PHLDB1: variants seen among roughly 807,000 people sequenced by gnomAD.
The protein encoded by PHLDB1 is pleckstrin homology-like domain family B member 1.
Under a neutral mutation model 139.3 loss-of-function variants are expected in PHLDB1, and 65 were observed. The ratio of observed to expected loss-of-function variants is 0.47; its 90% CI spans 0.38 to 0.57. PHLDB1 has a LOEUF of 0.57. PHLDB1 is among the 20% of genes least tolerant of loss of function. PHLDB1 has a pLI of 0.00. For missense variants in PHLDB1, 1,624 were observed against 1,839.7 expected, an observed-to-expected ratio of 0.88 and a Z score of 2.14; for synonymous variants, 679 against 734.5, an observed-to-expected ratio of 0.92 and a Z score of 1.22.
At chr11:118,647,835 A>T in intron 17 of PHLDB1, 95 bp from the exon 18 acceptor site, 1 of 1,332,410 alleles carries the variant, frequency 7.5e-7, no homozygotes, top group Non-Finnish European at 1.0e-6. Context: ...GACTACCCTG[A>T]GGTGGATTCC....
Position 118,625,031 on chromosome 11 carries a change from C to T in PHLDB1, c.453C>T (p.Ala151=), listed in dbSNP as rs782248447. ...MKSMIPAGGR[A]PGPPYSPVPA... The stretch of plus-strand genomic sequence containing the variant: ...GCATGATTCCAGCAGGGGGCCGAGC[C>T]CCTGGGCCCCCCTACAGCCCTGTTC... Residue 151 remains alanine, a synonymous_variant, in exon 5 of 23, where the codon GCC becomes GCT. Coordinates refer to ENST00000600882, the MANE Select transcript of PHLDB1 (RefSeq NM_001144758.3). 3 of 1,611,824 alleles carry T rather than the reference C, an allele frequency of 1.9e-6. No individual in the cohort carries two copies. The highest frequency in any genetic ancestry group is 1.1e-5 in the South Asian group (1 of 90,764).
At chr11:118,614,197 C>T (rs1195301360) in intron 2 of PHLDB1, among the ~76,000 whole-genome samples, 1 of 151,960 alleles carries the variant, frequency 6.6e-6, no homozygotes, top group Non-Finnish European at 1.5e-5. Flanking sequence ...GCAATGGCCA[C>T]GTGGATAGCC....
chr11:118,649,631 C>T (rs1277604617), intron 18 of PHLDB1, among the ~76,000 whole-genome samples: 1 of 152,136 alleles, frequency 6.6e-6, no homozygotes. Context: ...TAGTAATTAT[C>T]TAGTTCAAAG....
intron 4 of PHLDB1, among the ~76,000 whole-genome samples, chr11:118,623,817 T>A (rs1943289162): frequency 6.6e-6 from 1 of 151,772 alleles, no homozygotes; most frequent in Admixed American, 6.6e-5. Context: ...GGCAGATAGA[T>A]GGATCATGGA....
chr11:118,614,688 T>C lies in PHLDB1; in HGVS notation c.184+6T>C. On this transcript the variant is annotated splice_donor_region_variant and intron_variant, in intron 3 of 22. Coordinates refer to ENST00000600882, the MANE Select transcript of PHLDB1 (RefSeq NM_001144758.3). ...CCTCCTGCCGCTGGAGGAAGGTAAG[T>C]GTGAACAGGGCATCTCACTCACCAC... The C allele has an allele frequency of 6.2e-7, 1 of 1,613,396 alleles. No individual in the cohort carries two copies. Among genetic ancestry groups the C allele is most frequent in the Non-Finnish European group, 8.5e-7 (1 of 1,179,630 alleles).
rs782416788 is a variant in PHLDB1 at position 118,645,488 on chromosome 11, C to A, written c.3254C>A (p.Pro1085His). 1.1e-5 allele frequency: 17 copies of A among 1,611,968 alleles called. No individual in the cohort carries two copies. Among genetic ancestry groups the A allele is most frequent in the Admixed American group, 1.0e-4 (6 of 59,776 alleles). Reference protein sequence around the residue: ...PFPAGPSGFPPLMHHSILHHL... With the variant: ...PFPAGPSGFPHLMHHSILHHL... ...CCAGCGGGCCCCTCGGGCTTCCCCC[C>A]TCTCATGCACCACTCTATCCTACAC... Residue 1085 changes from proline to histidine, a missense_variant, in exon 16 of 23, where the codon CCT becomes CAT. Physicochemically the swap from Pro to His is moderately conservative, Grantham distance 77. Coordinates refer to ENST00000600882, the MANE Select transcript of PHLDB1 (RefSeq NM_001144758.3). The surrounding 1 kb of genome is among the most constrained non-coding windows in gnomAD (Gnocchi z 5.1).
intron 22 of PHLDB1, 94 bp from the exon 23 acceptor site, chr11:118,656,589 G>A: frequency 7.9e-7 from 1 of 1,266,760 alleles, no homozygotes; most frequent in African/African-American, 1.5e-5. Flanking sequence ...GCTTTCTAGG[G>A]GCTGGGAGGG....
Position 118,656,049 on chromosome 11 carries a change from G to A in PHLDB1, c.3993+157G>A, listed in dbSNP as rs560355992. Among the ~76,000 whole-genome samples, 8 of 151,922 alleles carry A rather than the reference G, an allele frequency of 5.3e-5. No individual in the cohort carries two copies. In the South Asian group the frequency reaches 1.7e-3, roughly 32 times the overall value. ...AGAGCAAGAAGCTCCTGTGGGCTTGGGTGCCTCTCTCTCCTTGTTGCCTCC... is the reference window on the plus strand; with the variant it reads ...AGAGCAAGAAGCTCCTGTGGGCTTGAGTGCCTCTCTCTCCTTGTTGCCTCC... On this transcript the variant is annotated intron_variant, in intron 22 of 22. Coordinates refer to ENST00000600882, the MANE Select transcript of PHLDB1 (RefSeq NM_001144758.3).
chr11:118,647,288 A>G (rs1230714841), intron 17 of PHLDB1: 2 of 152,276 alleles, frequency 1.3e-5, no homozygotes, highest in Non-Finnish European at 2.9e-5. Context: ...TAAGAGCCCC[A>G]TTTATTTTTT....
In PHLDB1 at chr11:118,631,970, C is replaced by T. The variant is rs374922895; in HGVS notation, c.2158C>T (p.Arg720Trp). 8.1e-6 allele frequency: 13 copies of T among 1,614,086 alleles called. No individual in the cohort carries two copies. Among genetic ancestry groups the T allele is most frequent in the East Asian group, 6.7e-5 (3 of 44,880 alleles). ...QGEVLALEEERAQVLGHVEQL... is the reference protein window; with the variant it reads ...QGEVLALEEEWAQVLGHVEQL... ...AGAGGTGCTAGCCCTGGAAGAAGAG[C>T]GGGCTCAGGTGCTGGGGCACGTGGA... is the stretch of plus-strand genomic sequence containing the variant. The change falls in exon 8 of 23, where the codon CGG becomes TGG. Residue 720 changes from arginine to tryptophan, a missense_variant. Physicochemically the swap from Arg to Trp is moderately radical, Grantham distance 101 (BLOSUM62 -3). Coordinates refer to ENST00000600882, the MANE Select transcript of PHLDB1 (RefSeq NM_001144758.3).
rs1591569529 is a variant in PHLDB1, at chr11:118,627,882, T to G, written c.1059T>G (p.Gly353=). 6.2e-7 allele frequency: 1 copy of G among 1,609,920 alleles called. No homozygotes were observed. The highest frequency in any genetic ancestry group is 8.5e-7 in the Non-Finnish European group (1 of 1,179,902). The change falls in exon 6 of 23, where the codon GGT becomes GGG. Residue 353 remains glycine (G), a synonymous_variant. Transcript: ENST00000600882. ...GAGCCACTGAGAGCCCCCGGCTGGG[T>G]GGGCAGCTGCCTGTGGTGGCCATCA... ...ARRATESPRL[G]GQLPVVAISL...
chr11:118,614,073 A>G (rs1941071219), intron 2 of PHLDB1, among the ~76,000 whole-genome samples, 177 bp downstream of exon 2: 1 of 152,106 alleles, frequency 6.6e-6, no homozygotes, highest in Non-Finnish European at 1.5e-5. Flanking sequence ...TAATTGGTTC[A>G]CCCAGAAACT....
At chr11:118,613,527 A>G in intron 1 of PHLDB1, 2 of 918,390 alleles carry the variant, frequency 2.2e-6, no homozygotes, top group Non-Finnish European at 1.4e-6. Context: ...TCTGAGTAGC[A>G]TAGGGCAAGA....
Position 118,645,474 on chromosome 11 carries a change from C to A in PHLDB1, c.3240C>A (p.Pro1080=). Residue 1080 remains proline (P), a synonymous_variant, in exon 16 of 23, where the codon CCC becomes CCA. Transcript: ENST00000600882. This position sits in a 1 kb window ranked among gnomAD's most constrained non-coding sequence, Gnocchi z 5.1. ...GGGCAGCACCCTTCCCAGCGGGCCC[C>A]TCGGGCTTCCCCCCTCTCATGCACC... The part of the protein sequence containing the change: ...LHGAAPFPAG[P]SGFPPLMHHS... The A allele has an allele frequency of 6.2e-7, 1 of 1,611,194 alleles. No individual in the cohort carries two copies. Among genetic ancestry groups the A allele is most frequent in the Non-Finnish European group, 8.5e-7 (1 of 1,178,590 alleles).
intron 13 of PHLDB1, 92 bp from the exon 14 acceptor site, chr11:118,643,708 G>C: frequency 6.2e-7 from 1 of 1,602,652 alleles, no homozygotes; most frequent in Admixed American, 1.7e-5. Flanking sequence ...CTAGTGCCAG[G>C]GCGGTACGTC....
At chr11:118,628,981 C>A (rs534809621) in intron 6 of PHLDB1, among the ~76,000 whole-genome samples, 1 of 152,334 alleles carries the variant, frequency 6.6e-6, no homozygotes, top group African/African-American at 2.4e-5. Context: ...ATGGTAAGAC[C>A]TCGAACCTCC....
Position 118,627,485 on chromosome 11 carries a change from C to T in PHLDB1, c.662C>T (p.Pro221Leu), listed in dbSNP as rs879984855. The change falls in exon 6 of 23, where the codon CCA becomes CTA. Residue 221 changes from proline (P) to leucine (L), a missense_variant. Pro to Leu is a moderately conservative substitution (Grantham distance 98). Coordinates refer to ENST00000600882, the MANE Select transcript of PHLDB1 (RefSeq NM_001144758.3). ...GGCAAGAAGCCTGCCGCAACCTCTC[C>T]ACTGTCACCGATGGCTAATGGTGGG... The part of the protein sequence containing the change: ...AAGKKPAATS[P>L]LSPMANGGRY... The T allele has an allele frequency of 7.4e-6, 12 of 1,614,116 alleles. No individual in the cohort carries two copies. The highest frequency in any genetic ancestry group is 3.3e-5 in the South Asian group (3 of 91,094).
rs782017283 is a variant in PHLDB1 at position 118,645,719 on chromosome 11, C to A, written c.3417-16C>A. Reference sequence around the variant, plus strand: ...TCAGCTCCTTGATGCACTTCCTCTTCCCCTTCTCTCCCCAGCGCGAGTGGT... The same window carrying A: ...TCAGCTCCTTGATGCACTTCCTCTTACCCTTCTCTCCCCAGCGCGAGTGGT... On this transcript the variant is annotated splice_polypyrimidine_tract_variant and intron_variant, in intron 16 of 22. Coordinates refer to ENST00000600882, the MANE Select transcript of PHLDB1 (RefSeq NM_001144758.3). The surrounding 1 kb of genome is among the most constrained non-coding windows in gnomAD (Gnocchi z 5.1). The A allele has an allele frequency of 6.2e-7, 1 of 1,611,898 alleles. No individual in the cohort carries two copies. Among genetic ancestry groups the A allele is most frequent in the Non-Finnish European group, 8.5e-7 (1 of 1,177,976 alleles).
Position 118,645,158 on chromosome 11 carries a change from C to T in PHLDB1, c.3122-198C>T, listed in dbSNP as rs582942. On this transcript the variant is annotated intron_variant, in intron 15 of 22. Coordinates refer to ENST00000600882, the MANE Select transcript of PHLDB1 (RefSeq NM_001144758.3). The surrounding 1 kb of genome is among the most constrained non-coding windows in gnomAD (Gnocchi z 5.1). ...TGAAGCCAGACTGTGCATCTGTGGC[C>T]GGTTGTGCAGGCGACTGAAGCATTG... 0.15 allele frequency: 75,622 copies of T among 502,758 alleles called. 7,184 individuals carry two copies. Among genetic ancestry groups the T allele is most frequent in the Non-Finnish European group, 0.19 (55,577 of 288,102 alleles). The allele number at this position is 502,758 out of a possible 1,614,324, so 31.1% of individuals were successfully genotyped here.
Sources: gnomAD v4.1 joint callset for allele counts (sites outside exome capture counted in the v4.1 genomes callset) on GRCh38, gnomAD v4.1.1 for gene constraint, Gnocchi (gnomAD v3.1) non-coding constraint, MANE v1.5 for transcripts, NCBI Gene and HGNC (gene_info 2026-07-23, HGNC 2026-07-21) for gene names.